The following PDE1A variants were observed in gnomAD, a reference collection of about 807,000 sequenced individuals.
PDE1A encodes the protein dual specificity calcium/calmodulin-dependent 3',5'-cyclic nucleotide phosphodiesterase 1A.
In PDE1A, 35 loss-of-function variants were observed where a neutral mutation model predicts 61.7. That is an observed-to-expected ratio of 0.57 (90% CI 0.43 to 0.75). The LOEUF (loss-of-function observed/expected upper bound fraction) is 0.75, where lower values mean the gene tolerates loss of function less well. Among genes scored for constraint, PDE1A ranks in the 30% least tolerant of loss-of-function variants. The pLI is 0.00. For missense variants in PDE1A, 597 were observed against 630.6 expected (o/e 0.95, Z 0.57); for synonymous variants, 232 against 213.2 (o/e 1.09, Z -0.77).
At chr2:182,229,982 C>T (rs765766722) in intron 6 of PDE1A, 24 bp downstream of exon 6, 3 of 1,588,910 alleles carry the variant, frequency 1.9e-6, no homozygotes, top group Admixed American at 3.4e-5. Context: ...AACTAACAAA[C>T]CTCAGTTACA....
intron 1 of PDE1A, among the ~76,000 whole-genome samples, chr2:182,401,149 G>C (rs540768679): frequency 3.3e-5 from 5 of 152,256 alleles, no homozygotes; most frequent in African/African-American, 1.2e-4. Context: ...TAGAAAAAGA[G>C]GGACTCTTCT....
At chr2:182,627,429 AAT>A in the PDE1A span, among the ~76,000 whole-genome samples, 3 of 79,572 alleles carry the variant, frequency 3.8e-5, no homozygotes, top group East Asian at 3.7e-4. Flanking sequence ...ATTATATTTA[AAT>A]ATATATATAT....
intron 1 of PDE1A, among the ~76,000 whole-genome samples, chr2:182,423,412 T>C (rs1291709108): frequency 6.6e-6 from 1 of 152,164 alleles, no homozygotes; most frequent in Non-Finnish European, 1.5e-5. Flanking sequence ...CTCCCAAGCC[T>C]CCTAATATCG....
upstream of PDE1A, among the ~76,000 whole-genome samples, chr2:182,526,146 T>C (rs1690770815): frequency 6.6e-6 from 1 of 152,154 alleles, no homozygotes; most frequent in Non-Finnish European, 1.5e-5. Flanking sequence ...ACATTATGTT[T>C]TCACTGACAA....
At chr2:182,444,806 T>A (rs1327923773) in intron 2 of PDE1A, among the ~76,000 whole-genome samples, 1 of 152,118 alleles carries the variant, frequency 6.6e-6, no homozygotes, top group East Asian at 1.9e-4. Flanking sequence ...AATAACATGT[T>A]TCCCAAAAGA....
intron 2 of PDE1A, among the ~76,000 whole-genome samples, chr2:182,472,835 A>T (rs991200511): frequency 6.6e-6 from 1 of 151,960 alleles, no homozygotes; most frequent in Non-Finnish European, 1.5e-5. Flanking sequence ...AAGAAAAACA[A>T]AACTTTTTTT....
intron 10 of PDE1A, among the ~76,000 whole-genome samples, chr2:182,199,324 T>C (rs1290401939): frequency 6.6e-6 from 1 of 152,008 alleles, no homozygotes; most frequent in East Asian, 1.9e-4. Flanking sequence ...TTTTGGCTTT[T>C]ATATTTATTA....
chr2:182,475,219 A>C (rs1687277411), intron 2 of PDE1A, among the ~76,000 whole-genome samples: 1 of 151,968 alleles, frequency 6.6e-6, no homozygotes. Context: ...CTTCCACATC[A>C]GCACTGTCAA....
chr2:182,230,188 G>A (rs753985538), intron 5 of PDE1A, 42 bp from the exon 6 acceptor site: 81 of 1,546,974 alleles, frequency 5.2e-5, no homozygotes, highest in Non-Finnish European at 6.2e-5. Context: ...GACCAAAAAA[G>A]TGGTACTAAA....
chr2:182,523,535 CTT>C (rs1430539198), upstream of PDE1A, among the ~76,000 whole-genome samples: 2 of 152,126 alleles, frequency 1.3e-5, no homozygotes, highest in Non-Finnish European at 2.9e-5. Flanking sequence ...AATATTTCTT[CTT>C]GTTTGTTTGA....
upstream of PDE1A, among the ~76,000 whole-genome samples, chr2:182,527,357 T>TAC: frequency 2.2e-5 from 1 of 45,994 alleles, no homozygotes; most frequent in Non-Finnish European, 3.8e-5. Flanking sequence ...TATATATATA[T>TAC]ATATATATAT....
At chr2:182,354,963 G>T (rs532583779) in intron 1 of PDE1A, among the ~76,000 whole-genome samples, 1 of 151,946 alleles carries the variant, frequency 6.6e-6, no homozygotes, top group Non-Finnish European at 1.5e-5. Flanking sequence ...GGTTCCTAGA[G>T]AACTTTTGAT....
At chr2:182,572,868 C>CAAAAAA in the PDE1A span, among the ~76,000 whole-genome samples, 1 of 53,010 alleles carries the variant, frequency 1.9e-5, no homozygotes, top group Non-Finnish European at 4.3e-5. Context: ...GACTCTGTCT[C>CAAAAAA]AAAAAAAAAA....
the PDE1A span, among the ~76,000 whole-genome samples, chr2:182,528,555 C>A: frequency 6.6e-6 from 1 of 152,196 alleles, no homozygotes; most frequent in African/African-American, 2.4e-5. Flanking sequence ...GAAACTCAAG[C>A]CGGCTACAGA....
At chr2:182,433,969 T>G (rs1704083665) in intron 2 of PDE1A, among the ~76,000 whole-genome samples, 1 of 152,076 alleles carries the variant, frequency 6.6e-6, no homozygotes, top group African/African-American at 2.4e-5. Flanking sequence ...ACAACTCTAT[T>G]TGAATTTCAT....
At chr2:182,321,451 C>CT (rs1043122215) in intron 1 of PDE1A, among the ~76,000 whole-genome samples, 83 of 151,746 alleles carry the variant, frequency 5.5e-4, no homozygotes, top group Admixed American at 2.4e-3. Context: ...AAAATCTTTG[C>CT]TTTTTTTTGG....
the PDE1A span, among the ~76,000 whole-genome samples, chr2:182,562,084 C>T: frequency 6.7e-6 from 1 of 150,140 alleles, no homozygotes; most frequent in African/African-American, 2.4e-5. Context: ...CCAGAACTTC[C>T]AACACTGTGT....
At chr2:182,564,030 C>A in the PDE1A span, among the ~76,000 whole-genome samples, 15 of 152,194 alleles carry the variant, frequency 9.9e-5, no homozygotes, top group South Asian at 2.1e-4. Flanking sequence ...TGTGTCTTTT[C>A]ATTGGAGCAT....
At chr2:182,499,054 C>A (rs1189245804) in intron 2 of PDE1A, among the ~76,000 whole-genome samples, 1 of 151,836 alleles carries the variant, frequency 6.6e-6, no homozygotes, top group Non-Finnish European at 1.5e-5. Context: ...ACGGTGCAAT[C>A]TCAGCTCACT....
Sources: gnomAD v4.1 joint callset for allele counts (sites outside exome capture counted in the v4.1 genomes callset) on GRCh38, gnomAD v4.1.1 for gene constraint, MANE v1.5 for transcripts, NCBI Gene and HGNC (gene_info 2026-07-23, HGNC 2026-07-21) for gene names.